Variants in ZFPM2 observed in about 807,000 individuals in gnomAD.
ZFPM2 encodes zinc finger protein, FOG family member 2, also known as zinc finger protein ZFPM2.
Under a neutral mutation model 98.6 loss-of-function variants are expected in ZFPM2, and 20 were observed. That is an observed-to-expected ratio of 0.20 (90% CI 0.14 to 0.29). ZFPM2 has a LOEUF of 0.29. Ranked by LOEUF, ZFPM2 falls within the 10% of genes least tolerant of loss-of-function variation. ZFPM2 has a pLI of 1.00. For missense variants in ZFPM2, 1,310 were observed against 1,388.6 expected (o/e 0.94, Z 0.90); for synonymous variants, 518 against 502.7 (o/e 1.03, Z -0.41).
intron 5 of ZFPM2, among the ~76,000 whole-genome samples, chr8:105,741,576 AG>A: frequency 6.6e-6 from 1 of 152,210 alleles, no homozygotes; most frequent in African/African-American, 2.4e-5. Flanking sequence ...AGATGGACAC[AG>A]GCACATGTGT....
chr8:105,374,192 C>A (rs909033386), intron 1 of ZFPM2, among the ~76,000 whole-genome samples: 1 of 152,076 alleles, frequency 6.6e-6, no homozygotes, highest in Non-Finnish European at 1.5e-5. Context: ...CATGACATGG[C>A]CCCAACTCTC....
rs193082499 is a variant in ZFPM2 at position 105,608,103 on chromosome 8, G to A, written c.421-26143G>A. Among the ~76,000 whole-genome samples the A allele has an allele frequency of 4.5e-4, 69 of 152,158 alleles. 1 individual carries two copies. Among genetic ancestry groups the A allele is most frequent in the African/African-American group, 1.5e-3 (64 of 41,530 alleles). ...AGGAAAAGAAAACCAAATACCACAC[G>A]TTTTCACTTGTAAATGGGAGCTAAA... is the stretch of plus-strand genomic sequence containing the variant. On this transcript the variant is annotated intron_variant, in intron 4 of 7. Coordinates refer to ENST00000407775, the MANE Select transcript of ZFPM2 (RefSeq NM_012082.4).
intron 3 of ZFPM2, among the ~76,000 whole-genome samples, chr8:105,452,114 A>G (rs550793416): frequency 6.6e-6 from 1 of 152,350 alleles, no homozygotes; most frequent in South Asian, 2.1e-4. Flanking sequence ...CAAACTAGAA[A>G]TCATACATAA....
chr8:105,772,791 A>C (rs1563557160), intron 5 of ZFPM2, among the ~76,000 whole-genome samples: 1 of 152,178 alleles, frequency 6.6e-6, no homozygotes, highest in Non-Finnish European at 1.5e-5. Context: ...AAGGAATGGA[A>C]ACTGCCTTAT....
intron 4 of ZFPM2, among the ~76,000 whole-genome samples, chr8:105,605,123 A>G (rs1185791478): frequency 6.6e-6 from 1 of 152,092 alleles, no homozygotes; most frequent in Admixed American, 6.6e-5. Flanking sequence ...TTGTTTAAAA[A>G]CATTAAAAAT....
At chr8:105,663,312 G>A (rs1817428127) in intron 5 of ZFPM2, among the ~76,000 whole-genome samples, 1 of 152,170 alleles carries the variant, frequency 6.6e-6, no homozygotes, top group South Asian at 2.1e-4. Flanking sequence ...TTGTGATTGG[G>A]ATGTGGATAG....
intron 5 of ZFPM2, among the ~76,000 whole-genome samples, chr8:105,677,819 T>A (rs1407296051): frequency 6.6e-6 from 1 of 152,198 alleles, no homozygotes; most frequent in African/African-American, 2.4e-5. Context: ...TGGGAAGCTT[T>A]CCAAATTTTA....
At chr8:105,568,664 T>A (rs909211421) in intron 4 of ZFPM2, among the ~76,000 whole-genome samples, 1 of 152,166 alleles carries the variant, frequency 6.6e-6, no homozygotes, top group Non-Finnish European at 1.5e-5. Context: ...AATATTCTTC[T>A]GTTCTCTCTT....
intron 2 of ZFPM2, among the ~76,000 whole-genome samples, chr8:105,428,705 T>A (rs1811960599): frequency 6.6e-6 from 1 of 151,884 alleles, no homozygotes; most frequent in Non-Finnish European, 1.5e-5. Context: ...CAACACAAAA[T>A]AAGACTAAAT....
intron 1 of ZFPM2, among the ~76,000 whole-genome samples, chr8:105,363,521 T>A (rs1810447692): frequency 6.6e-6 from 1 of 152,162 alleles, no homozygotes; most frequent in African/African-American, 2.4e-5. Context: ...TTAATTTAGA[T>A]TATCTCATAT....
chr8:105,322,913 G>A lies in ZFPM2; in HGVS notation c.40+3932G>A, dbSNP rs77816151. Among the ~76,000 whole-genome samples the A allele has an allele frequency of 9.2e-3, 1,391 of 151,968 alleles. 16 individuals carry two copies. Among genetic ancestry groups the A allele is most frequent in the Non-Finnish European group, 0.011 (769 of 67,936 alleles). ...TAGGCCGTACGAATTCCTAACTTGC[G>A]CATTGGCATTTTAATGTTCTATGCT... On this transcript the variant is annotated intron_variant, in intron 1 of 7. Transcript: ENST00000407775.
rs546267404 is a variant in ZFPM2, at chr8:105,349,129, C to A, written c.40+30148C>A. Among the ~76,000 whole-genome samples the A allele has an allele frequency of 5.3e-5, 8 of 151,564 alleles. No homozygotes were observed. In the South Asian group the frequency reaches 1.3e-3, roughly 24 times the overall value. On this transcript the variant is annotated intron_variant, in intron 1 of 7. Transcript: ENST00000407775. ...CTATTATTTGGTAGACATGCAAAAT[C>A]TGTGAATGCATTAATATTAACTGAT...
At chr8:105,370,386 G>A (rs1488200346) in intron 1 of ZFPM2, among the ~76,000 whole-genome samples, 5 of 152,172 alleles carry the variant, frequency 3.3e-5, no homozygotes, top group African/African-American at 9.7e-5. Context: ...AAATTGTGAC[G>A]TAATGAAATT....
intron 3 of ZFPM2, among the ~76,000 whole-genome samples, chr8:105,485,659 G>A (rs913792179): frequency 2.0e-5 from 3 of 152,164 alleles, no homozygotes; most frequent in Non-Finnish European, 4.4e-5. Context: ...ACTGAGAAGA[G>A]GGAAGAGCAA....
chr8:105,732,087 C>G (rs889885804), intron 5 of ZFPM2, among the ~76,000 whole-genome samples: 1 of 151,672 alleles, frequency 6.6e-6, no homozygotes. Context: ...AAGTTAATCC[C>G]CACTATACAG....
At chr8:105,793,493 T>A (rs534190759) in intron 6 of ZFPM2, among the ~76,000 whole-genome samples, 240 of 152,226 alleles carry the variant, frequency 1.6e-3, no homozygotes, top group Middle Eastern at 6.8e-3. Context: ...GGGTAACCCG[T>A]CCTTTCTCTC....
At chr8:105,395,550 A>C (rs2129957537) in intron 1 of ZFPM2, among the ~76,000 whole-genome samples, 1 of 152,210 alleles carries the variant, frequency 6.6e-6, no homozygotes. Context: ...TCCTCTTTCT[A>C]GGTGTGTGAT....
At chr8:105,703,379 A>T (rs1428956343) in intron 5 of ZFPM2, among the ~76,000 whole-genome samples, 2 of 152,198 alleles carry the variant, frequency 1.3e-5, no homozygotes. Context: ...AATCCGTATT[A>T]AGGAAACAAA....
intron 4 of ZFPM2, among the ~76,000 whole-genome samples, chr8:105,591,563 C>T (rs1484893392): frequency 6.6e-6 from 1 of 152,032 alleles, no homozygotes; most frequent in Non-Finnish European, 1.5e-5. Context: ...TAAAATATCA[C>T]ATTAGAAAAA....
Sources: allele counts gnomAD v4.1 joint callset (sites outside exome capture counted in the v4.1 genomes callset), GRCh38; gene constraint gnomAD v4.1.1; transcripts MANE v1.5; gene names NCBI Gene and HGNC (gene_info 2026-07-23, HGNC 2026-07-21).